Variants in TSNARE1 observed in about 807,000 individuals in gnomAD.
TSNARE1 encodes t-SNARE domain-containing protein 1.
TSNARE1 carries 49 observed loss-of-function variants against 62.0 expected under a neutral mutation model. The ratio of observed to expected loss-of-function variants is 0.79; its 90% CI spans 0.63 to 1.00. The LOEUF (loss-of-function observed/expected upper bound fraction) is 1.00, where lower values mean the gene tolerates loss of function less well. Ranked by LOEUF, TSNARE1 falls within the 50% of genes least tolerant of loss-of-function variation. The pLI is 0.00. For synonymous variants in TSNARE1, 328 were observed against 294.4 expected (o/e 1.11, Z -1.17); for missense variants, 755 against 700.1 (o/e 1.08, Z -0.88).
intron 13 of TSNARE1, among the ~76,000 whole-genome samples, chr8:142,216,368 C>T (rs868827566): frequency 1.5e-4 from 23 of 152,198 alleles, no homozygotes; most frequent in African/African-American, 5.3e-4. Flanking sequence ...GAGGCCTGGG[C>T]TCTCCCTGAT....
chr8:142,322,524 C>A (rs1158065261), intron 6 of TSNARE1, among the ~76,000 whole-genome samples: 1 of 152,218 alleles, frequency 6.6e-6, no homozygotes, highest in African/African-American at 2.4e-5. Flanking sequence ...CCCAAGGAAT[C>A]CACAAAGAAG....
At chr8:142,365,913 T>C in intron 1 of TSNARE1, 1 of 453,414 alleles carries the variant, frequency 2.2e-6, no homozygotes, top group Non-Finnish European at 4.4e-6. Context: ...AGACCTACCA[T>C]GTTCATGGAC....
chr8:142,341,133 T>C (rs1832531945), intron 4 of TSNARE1, among the ~76,000 whole-genome samples: 1 of 152,192 alleles, frequency 6.6e-6, no homozygotes, highest in Non-Finnish European at 1.5e-5. Context: ...GCCTCCCATC[T>C]GTCCACAAGT....
At chr8:142,354,239 C>T (rs534776998) in intron 2 of TSNARE1, among the ~76,000 whole-genome samples, 1 of 152,262 alleles carries the variant, frequency 6.6e-6, no homozygotes, top group South Asian at 2.1e-4. Flanking sequence ...GGTTTGAGAG[C>T]CCCAGGGGCC....
chr8:142,287,933 G>A (rs1056303829), intron 10 of TSNARE1, among the ~76,000 whole-genome samples: 2 of 152,188 alleles, frequency 1.3e-5, no homozygotes, highest in African/African-American at 4.8e-5. Context: ...CCAGGACCTC[G>A]GTCAGATCTC....
intron 6 of TSNARE1, among the ~76,000 whole-genome samples, chr8:142,324,015 C>T (rs1829858111): frequency 6.6e-6 from 1 of 152,178 alleles, no homozygotes; most frequent in Admixed American, 6.5e-5. Context: ...CAGCCAGGAG[C>T]CAAGTGAGGC....
intron 1 of TSNARE1, among the ~76,000 whole-genome samples, chr8:142,394,985 A>G (rs765070907): frequency 6.6e-6 from 1 of 152,130 alleles, no homozygotes; most frequent in Non-Finnish European, 1.5e-5. Flanking sequence ...AGATAGGGTG[A>G]TGGTGTCACC....
chr8:142,346,311 G>A (rs1833360774), intron 2 of TSNARE1, among the ~76,000 whole-genome samples: 1 of 152,212 alleles, frequency 6.6e-6, no homozygotes, highest in Admixed American at 6.5e-5. Flanking sequence ...TTTTATAAAA[G>A]TGCCACTCCG....
chr8:142,399,855 A>G (rs901211658), intron 1 of TSNARE1, among the ~76,000 whole-genome samples: 4 of 152,168 alleles, frequency 2.6e-5, no homozygotes, highest in African/African-American at 7.2e-5. Context: ...AAGTAACACC[A>G]TCCAAACAAA....
At chr8:142,272,688 C>T (rs1043217066) in intron 12 of TSNARE1, 8 of 975,824 alleles carry the variant, frequency 8.2e-6, no homozygotes, top group Admixed American at 6.5e-5. Context: ...TATGCAGAGG[C>T]GACTTCACAG....
chr8:142,359,239 T>G (rs905652347), intron 1 of TSNARE1, among the ~76,000 whole-genome samples: 1 of 152,078 alleles, frequency 6.6e-6, no homozygotes, highest in East Asian at 1.9e-4. Flanking sequence ...CAGAGCCCGA[T>G]GCTTACCACA....
At chr8:142,234,510 C>G (rs1273134481) in intron 12 of TSNARE1, among the ~76,000 whole-genome samples, 1 of 152,070 alleles carries the variant, frequency 6.6e-6, no homozygotes, top group Admixed American at 6.5e-5. Context: ...ATGACCCCAA[C>G]CATGGGTTCA....
chr8:142,238,130 C>A (rs751042636), intron 12 of TSNARE1, among the ~76,000 whole-genome samples: 1 of 152,140 alleles, frequency 6.6e-6, no homozygotes, highest in Non-Finnish European at 1.5e-5. Flanking sequence ...CACCCTGCAC[C>A]CCTGTTGGCC....
At chr8:142,281,613 G>A (rs1443126703) in intron 11 of TSNARE1, among the ~76,000 whole-genome samples, 3 of 152,050 alleles carry the variant, frequency 2.0e-5, no homozygotes, top group African/African-American at 7.2e-5. Flanking sequence ...TCACCCCAGG[G>A]TTAGGGTCAG....
intron 12 of TSNARE1, chr8:142,270,514 A>T: frequency 2.1e-6 from 2 of 935,914 alleles, no homozygotes; most frequent in Non-Finnish European, 2.5e-6. Context: ...TTATGTATTT[A>T]TAACAGAAAA....
At chr8:142,376,738 C>T (rs1166287905) in intron 1 of TSNARE1, among the ~76,000 whole-genome samples, 4 of 152,216 alleles carry the variant, frequency 2.6e-5, no homozygotes, top group African/African-American at 9.6e-5. Flanking sequence ...AGACACGGGA[C>T]TCCCAGGGCC....
Position 142,326,360 on chromosome 8 carries a change from G to T in TSNARE1, c.893+4541C>A. ...CAGATGAGGAACCAGCATCAGCGAA[G>T]GGGAGGGCCCCAGAGAGCACGAGAC... On this transcript the variant is annotated intron_variant, in intron 6 of 13. Coordinates refer to ENST00000524325, the MANE Select transcript of TSNARE1 (RefSeq NM_145003.5). The T allele has an allele frequency of 1.8e-5, 2 of 110,072 alleles. 1 individual carries two copies. The highest frequency in any genetic ancestry group is 3.6e-5 in the Non-Finnish European group (2 of 55,186). 6.8% of individuals were successfully genotyped at this position (110,072 alleles called of 1,614,324 possible).
At chr8:142,299,804 G>A (rs1825412972) in intron 10 of TSNARE1, among the ~76,000 whole-genome samples, 1 of 152,188 alleles carries the variant, frequency 6.6e-6, no homozygotes, top group Non-Finnish European at 1.5e-5. Context: ...TCAGACTCAG[G>A]TGCCTCTTGG....
chr8:142,280,004 CCCG>C (rs1368212822), intron 11 of TSNARE1: 1 of 1,191,876 alleles, frequency 8.4e-7, no homozygotes, highest in Non-Finnish European at 1.1e-6. Flanking sequence ...CCTCGCAGGT[CCCG>C]CCACTTGTGC....
Sources: gnomAD v4.1 joint callset for allele counts (sites outside exome capture counted in the v4.1 genomes callset) on GRCh38, gnomAD v4.1.1 for gene constraint, MANE v1.5 for transcripts, NCBI Gene and HGNC (gene_info 2026-07-23, HGNC 2026-07-21) for gene names.